Variants in ANO4 observed in about 807,000 individuals in gnomAD.
ANO4 encodes anoctamin-4.
ANO4 carries 69 observed loss-of-function variants against 141.9 expected under a neutral mutation model. The ratio of observed to expected loss-of-function variants is 0.49; its 90% CI spans 0.40 to 0.59. The LOEUF (loss-of-function observed/expected upper bound fraction) is 0.59, where lower values mean the gene tolerates loss of function less well. Among genes scored for constraint, ANO4 ranks in the 20% least tolerant of loss-of-function variants. ANO4 has a pLI of 0.00. For synonymous variants in ANO4, 350 were observed against 394.3 expected (o/e 0.89, Z 1.33); for missense variants, 894 against 1,162.2 (o/e 0.77, Z 3.36).
At chr12:100,873,680 A>G (rs940316449) in intron 1 of ANO4, among the ~76,000 whole-genome samples, 2 of 152,322 alleles carry the variant, frequency 1.3e-5, no homozygotes, top group African/African-American at 4.8e-5. Context: ...TTTAAAAGGG[A>G]AGTAGAGTGT....
intron 1 of ANO4, among the ~76,000 whole-genome samples, chr12:100,717,760 A>G (rs896618266): frequency 6.6e-6 from 1 of 152,056 alleles, no homozygotes; most frequent in African/African-American, 2.4e-5. Context: ...TGCGGGAAAA[A>G]CGCTTCAAAA....
intron 2 of ANO4, among the ~76,000 whole-genome samples, chr12:100,910,622 A>AT (rs960538882): frequency 5.5e-4 from 84 of 152,212 alleles, no homozygotes; most frequent in African/African-American, 1.8e-3. Context: ...ACTGATTTTG[A>AT]TTTTTTTGAG....
chr12:101,087,166 T>C (rs1428952210), intron 17 of ANO4, among the ~76,000 whole-genome samples: 2 of 152,194 alleles, frequency 1.3e-5, no homozygotes, highest in African/African-American at 4.8e-5. Flanking sequence ...TGACACAGCA[T>C]TGCAATGTTG....
chr12:100,721,128 A>G (rs779904113), intron 1 of ANO4, among the ~76,000 whole-genome samples: 5 of 152,276 alleles, frequency 3.3e-5, no homozygotes, highest in South Asian at 2.1e-4. Context: ...GACTATCTGT[A>G]TGCTCTTCTC....
intron 1 of ANO4, among the ~76,000 whole-genome samples, chr12:100,805,332 A>G (rs548726153): frequency 2.6e-5 from 4 of 152,252 alleles, no homozygotes; most frequent in Non-Finnish European, 4.4e-5. Flanking sequence ...TACCAGTACC[A>G]TGCTGTTTTG....
chr12:100,993,676 C>T (rs2045242055), intron 8 of ANO4, among the ~76,000 whole-genome samples: 1 of 152,064 alleles, frequency 6.6e-6, no homozygotes, highest in Admixed American at 6.6e-5. Flanking sequence ...AAATCCCTTA[C>T]AGACAAGGAA....
intron 9 of ANO4, among the ~76,000 whole-genome samples, chr12:101,032,412 G>A (rs12318240): frequency 0.15 from 22,089 of 152,036 alleles, 1,787 homozygotes; most frequent in Admixed American, 0.21. Context: ...GCTTGCTTAC[G>A]TCTTATACAA....
intron 1 of ANO4, among the ~76,000 whole-genome samples, chr12:100,857,749 G>A (rs1277056986): frequency 1.3e-5 from 2 of 152,180 alleles, no homozygotes; most frequent in Middle Eastern, 3.4e-3. Context: ...GAAAGAAATT[G>A]GATTGCCTCT....
chr12:100,997,753 C>A (rs1397151568), intron 8 of ANO4, among the ~76,000 whole-genome samples: 1 of 151,966 alleles, frequency 6.6e-6, no homozygotes, highest in Non-Finnish European at 1.5e-5. Context: ...AAAACCAATA[C>A]CATAGGTAAT....
chr12:101,080,865 G>GATAT lies in ANO4; in HGVS notation c.1395+1605_1395+1608dup, dbSNP rs373785625. Among the ~76,000 whole-genome samples, 879 of 109,358 alleles carry GATAT rather than the reference G, an allele frequency of 8.0e-3. 13 individuals are homozygous for GATAT. Among genetic ancestry groups the GATAT allele is most frequent in the East Asian group, 0.031 (79 of 2,570 alleles). The allele number at this position is 109,358 out of a possible 152,430, so 71.7% of individuals were successfully genotyped here. On this transcript the variant is annotated intron_variant, in intron 15 of 27. Coordinates refer to ENST00000392977, the MANE Select transcript of ANO4 (RefSeq NM_001286615.2). ...GTATATATATTTTTTCTAGGTTCTA[G>GATAT]ATATATATATATATATATTATATAT...
chr12:100,756,628 A>G (rs570869621), intron 3 of ANO4, among the ~76,000 whole-genome samples: 9 of 152,072 alleles, frequency 5.9e-5, no homozygotes, highest in East Asian at 5.8e-4. Flanking sequence ...GATTACAGGC[A>G]TGAGCCACTG....
chr12:101,103,180 A>AC (rs2050262062), intron 22 of ANO4, among the ~76,000 whole-genome samples: 4 of 19,330 alleles, frequency 2.1e-4, no homozygotes, highest in African/African-American at 9.0e-4. Flanking sequence ...CTTTTTAGTC[A>AC]TTTTATATAT....
chr12:100,798,771 GC>G (rs2034502540), intron 1 of ANO4, among the ~76,000 whole-genome samples: 1 of 152,224 alleles, frequency 6.6e-6, no homozygotes, highest in African/African-American at 2.4e-5. Flanking sequence ...CTCCAGTCAG[GC>G]TGTTTGCTCT....
intron 2 of ANO4, among the ~76,000 whole-genome samples, chr12:100,911,330 C>G (rs12146789): frequency 0.19 from 29,103 of 152,158 alleles, 3,051 homozygotes; most frequent in Non-Finnish European, 0.24. Flanking sequence ...TGTGCTATTA[C>G]TTTCTTCTTC....
intron 1 of ANO4, among the ~76,000 whole-genome samples, chr12:100,864,844 G>A (rs1020494453): frequency 2.0e-5 from 3 of 151,878 alleles, no homozygotes. Flanking sequence ...CCTAACCCCC[G>A]ACACCCTGAC....
intron 1 of ANO4, among the ~76,000 whole-genome samples, chr12:100,894,944 C>T (rs1416886294): frequency 8.3e-5 from 11 of 132,860 alleles, no homozygotes; most frequent in African/African-American, 2.9e-4. Flanking sequence ...CCAGCCTGGG[C>T]GACAGAGCGA....
Position 101,110,546 on chromosome 12 carries a change from C to CAAAG in ANO4, c.2294_2297dup (p.Asp766GlufsTer11). 6.3e-7 allele frequency: 1 copy of CAAAG among 1,587,638 alleles called. No individual in the cohort carries two copies. Among genetic ancestry groups the CAAAG allele is most frequent in the Non-Finnish European group, 8.6e-7 (1 of 1,168,278 alleles). ...GGAGGAGACCTTTAGCTTCAAGGGC[C>CAAAG]AAAGACATAGGTAAGTTGGATTTGG... On this transcript the variant is annotated frameshift_variant, in exon 23 of 28. Coordinates refer to ENST00000392977, the MANE Select transcript of ANO4 (RefSeq NM_001286615.2). LOFTEE classifies it high-confidence loss of function.
chr12:101,039,133 A>G (rs1450848462), intron 10 of ANO4: 2 of 152,164 alleles, frequency 1.3e-5, no homozygotes, highest in East Asian at 3.8e-4. Context: ...CAGCTTTTAC[A>G]TTCTAGAATT....
chr12:100,911,376 A>T (rs941285866), intron 2 of ANO4, among the ~76,000 whole-genome samples: 4 of 152,334 alleles, frequency 2.6e-5, no homozygotes, highest in African/African-American at 7.2e-5. Flanking sequence ...GCAAATTATC[A>T]TAAAAAAGCC....
Sources: allele counts gnomAD v4.1 joint callset (sites outside exome capture counted in the v4.1 genomes callset), GRCh38; gene constraint gnomAD v4.1.1; transcripts MANE v1.5; gene names NCBI Gene and HGNC (gene_info 2026-07-23, HGNC 2026-07-21).